Variants in SAMD5 observed in about 807,000 individuals in gnomAD.
The protein encoded by SAMD5 is sterile alpha motif domain containing 5.
Under a neutral mutation model 11.3 loss-of-function variants are expected in SAMD5, and 13 were observed. The observed-to-expected ratio is 1.15, with a 90% CI of 0.75 to 1.83. SAMD5 has a LOEUF of 1.83. SAMD5 is among the 40% of genes most tolerant of loss of function. The pLI is 0.00. For missense variants in SAMD5, 255 were observed against 239.1 expected, an observed-to-expected ratio of 1.07 and a Z score of -0.44; for synonymous variants, 129 against 111.3, an observed-to-expected ratio of 1.16 and a Z score of -1.00.
At chr6:147,762,695 C>T in the SAMD5 span, among the ~76,000 whole-genome samples, 2 of 152,176 alleles carry the variant, frequency 1.3e-5, no homozygotes, top group Non-Finnish European at 2.9e-5. Flanking sequence ...ATATTAAATG[C>T]CTTGCCTGAA....
chr6:147,877,399 A>G, the SAMD5 span, among the ~76,000 whole-genome samples: 17 of 152,280 alleles, frequency 1.1e-4, no homozygotes, highest in East Asian at 2.7e-3. Context: ...ACCTTACAAC[A>G]GAGAAACCGA....
At chr6:147,800,898 T>C in the SAMD5 span, among the ~76,000 whole-genome samples, 250 of 152,250 alleles carry the variant, frequency 1.6e-3, no homozygotes, top group African/African-American at 5.8e-3. Flanking sequence ...GTTTTTACCT[T>C]ATTGAAATAA....
At chr6:147,897,628 A>G in the SAMD5 span, among the ~76,000 whole-genome samples, 2 of 152,080 alleles carry the variant, frequency 1.3e-5, no homozygotes. Flanking sequence ...ATTCTTCTCT[A>G]GCAAATGGGA....
At chr6:147,951,551 C>T in the SAMD5 span, among the ~76,000 whole-genome samples, 1 of 152,148 alleles carries the variant, frequency 6.6e-6, no homozygotes, top group African/African-American at 2.4e-5. Flanking sequence ...GAAATGCAAA[C>T]GAGAGAAGCA....
chr6:147,518,012 T>C (rs1272790663), intron 1 of SAMD5, among the ~76,000 whole-genome samples: 1 of 152,174 alleles, frequency 6.6e-6, no homozygotes, highest in Non-Finnish European at 1.5e-5. Context: ...TCCAAAATGC[T>C]TTTCAAAACA....
chr6:147,866,395 A>G, the SAMD5 span, among the ~76,000 whole-genome samples: 1 of 152,206 alleles, frequency 6.6e-6, no homozygotes, highest in Admixed American at 6.6e-5. Flanking sequence ...CCAGGAAGAC[A>G]GGTCAGATGC....
At chr6:147,794,661 A>G in the SAMD5 span, among the ~76,000 whole-genome samples, 1 of 152,202 alleles carries the variant, frequency 6.6e-6, no homozygotes, top group Non-Finnish European at 1.5e-5. Flanking sequence ...ATGTTTGATT[A>G]TTCGAGTTCA....
intron 1 of SAMD5, among the ~76,000 whole-genome samples, chr6:147,598,630 C>T (rs573872748): frequency 3.9e-5 from 6 of 152,066 alleles, no homozygotes; most frequent in Non-Finnish European, 5.9e-5. Context: ...CTGGGAAGAC[C>T]GAATAGAATC....
In SAMD5 at chr6:147,566,884, C is replaced by T; in HGVS notation, c.*2428C>T. 1 of 966,630 alleles carries T rather than the reference C, an allele frequency of 1.0e-6. No homozygotes were observed. Among genetic ancestry groups the T allele is most frequent in the South Asian group, 4.8e-5 (1 of 20,860 alleles). The allele number at this position is 966,630 out of a possible 1,614,324, so 59.9% of individuals were successfully genotyped here. A position where few individuals can be genotyped will look rare whatever the true frequency, so the allele number is the denominator to read the frequency against. On this transcript the variant is annotated 3_prime_UTR_variant, in exon 2 of 2. Transcript: ENST00000367474. Reference sequence around the variant, plus strand: ...TTTTACCATGAATTGTATCTGGGGACAGTTAGTCTTAGAAGGAGTAATTTT... The same window carrying T: ...TTTTACCATGAATTGTATCTGGGGATAGTTAGTCTTAGAAGGAGTAATTTT...
chr6:147,509,425 C>G, intron 1 of SAMD5, 38 bp downstream of exon 1: 1 of 1,487,048 alleles, frequency 6.7e-7, no homozygotes. Context: ...GGGCGCGCGG[C>G]GGGAGGGGAC....
chr6:147,526,125 A>G (rs1380543575), intron 1 of SAMD5, among the ~76,000 whole-genome samples: 1 of 152,174 alleles, frequency 6.6e-6, no homozygotes, highest in African/African-American at 2.4e-5. Context: ...AATTCAACTA[A>G]AAAGCATGGA....
chr6:147,579,344 T>A (rs567174186), intron 1 of SAMD5, among the ~76,000 whole-genome samples: 10 of 151,882 alleles, frequency 6.6e-5, no homozygotes, highest in African/African-American at 2.4e-4. Flanking sequence ...GGGACAAGAG[T>A]GCAAGGTGTT....
chr6:147,598,260 G>A (rs1315255314), intron 1 of SAMD5, among the ~76,000 whole-genome samples: 1 of 151,910 alleles, frequency 6.6e-6, no homozygotes, highest in Non-Finnish European at 1.5e-5. Context: ...AAGTAGCTGG[G>A]ACTACATGTG....
chr6:147,622,153 A>G (rs2128450360), intron 1 of SAMD5, among the ~76,000 whole-genome samples: 1 of 152,254 alleles, frequency 6.6e-6, no homozygotes, highest in Non-Finnish European at 1.5e-5. Context: ...GTCTGTGAGG[A>G]ATTGGTTCCA....
At chr6:147,826,734 G>A in the SAMD5 span, among the ~76,000 whole-genome samples, 1 of 152,186 alleles carries the variant, frequency 6.6e-6, no homozygotes, top group Non-Finnish European at 1.5e-5. Flanking sequence ...AAGGCCATGT[G>A]GGATGAGTGT....
At chr6:147,810,832 G>T in the SAMD5 span, among the ~76,000 whole-genome samples, 1 of 152,294 alleles carries the variant, frequency 6.6e-6, no homozygotes, top group African/African-American at 2.4e-5. Context: ...AAATTCAATA[G>T]ACATCATTGG....
chr6:147,585,083 G>A (rs547018564), intron 1 of SAMD5, among the ~76,000 whole-genome samples: 83 of 152,218 alleles, frequency 5.5e-4, no homozygotes, highest in African/African-American at 1.9e-3. Context: ...TCCACTCAAT[G>A]TCTCACCCAC....
chr6:147,766,729 C>G, the SAMD5 span, among the ~76,000 whole-genome samples: 1 of 152,086 alleles, frequency 6.6e-6, no homozygotes, highest in African/African-American at 2.4e-5. Flanking sequence ...AAATCAAGGT[C>G]CTGACAGAAA....
intron 1 of SAMD5, among the ~76,000 whole-genome samples, chr6:147,695,101 C>G (rs1470879993): frequency 6.6e-6 from 1 of 152,192 alleles, no homozygotes; most frequent in African/African-American, 2.4e-5. Flanking sequence ...CTTCAGGTTA[C>G]TCCATGAAAG....
Sources: allele counts gnomAD v4.1 joint callset (sites outside exome capture counted in the v4.1 genomes callset), GRCh38; gene constraint gnomAD v4.1.1; transcripts MANE v1.5; gene names NCBI Gene and HGNC (gene_info 2026-07-23, HGNC 2026-07-21).